Variants in MSRA observed in about 807,000 individuals in gnomAD.
The protein encoded by MSRA is mitochondrial peptide methionine sulfoxide reductase.
In MSRA, 54 loss-of-function variants were observed where a neutral mutation model predicts 31.3. The ratio of observed to expected loss-of-function variants is 1.73; its 90% confidence interval spans 1.39 to 2.17. MSRA has a LOEUF of 2.17. MSRA is among the 30% of genes most tolerant of loss of function. The pLI is 0.00. For synonymous variants in MSRA, 169 were observed against 116.5 expected (o/e 1.45, Z -2.90); for missense variants, 507 against 300.9 (o/e 1.69, Z -5.07).
intron 5 of MSRA, among the ~76,000 whole-genome samples, chr8:10,371,439 C>T (rs975181197): frequency 6.6e-6 from 1 of 152,114 alleles, no homozygotes; most frequent in African/African-American, 2.4e-5. Context: ...TGACAGAAGC[C>T]TTCTTTCTAG....
At chr8:10,253,018 G>C (rs1797997409) in intron 3 of MSRA, among the ~76,000 whole-genome samples, 1 of 152,182 alleles carries the variant, frequency 6.6e-6, no homozygotes, top group Non-Finnish European at 1.5e-5. Flanking sequence ...TTTTGCTAGA[G>C]GTATCCCAAG....
In MSRA at chr8:10,054,559, C is replaced by A. The variant is rs766757789; in HGVS notation, c.43C>A (p.His15Asn). 3.8e-6 allele frequency: 6 copies of A among 1,587,788 alleles called. No homozygotes were observed. The highest frequency in any genetic ancestry group is 5.1e-6 in the Non-Finnish European group (6 of 1,167,350). ...TRRACQLLLL[H>N]SLFPVPRMGN... ...GAGGGCTTGCCAGCTCCTCCTCCTC[C>A]ACAGCCTCTTTCCCGTCCCGAGGAT... The change falls in exon 1 of 6, where the codon CAC becomes AAC. Residue 15 changes from histidine (H) to asparagine (N), a missense_variant. Transcript: ENST00000317173.
At chr8:10,121,255 G>A (rs568025476) in intron 1 of MSRA, among the ~76,000 whole-genome samples, 6 of 152,258 alleles carry the variant, frequency 3.9e-5, no homozygotes, top group South Asian at 2.1e-4. Context: ...CCTGAGGACC[G>A]TGAAGACAGC....
intron 1 of MSRA, among the ~76,000 whole-genome samples, chr8:10,189,712 T>G (rs764238613): frequency 6.6e-6 from 1 of 152,196 alleles, no homozygotes; most frequent in Non-Finnish European, 1.5e-5. Context: ...ATTGTTATAC[T>G]TTTTATATAT....
At chr8:10,241,427 A>G (rs1036576682) in intron 2 of MSRA, among the ~76,000 whole-genome samples, 3 of 152,160 alleles carry the variant, frequency 2.0e-5, no homozygotes, top group African/African-American at 7.2e-5. Context: ...GTTTAAATGA[A>G]TATGTTTGTG....
intron 3 of MSRA, among the ~76,000 whole-genome samples, chr8:10,258,385 A>G (rs1327815099): frequency 6.6e-6 from 1 of 152,354 alleles, no homozygotes; most frequent in African/African-American, 2.4e-5. Context: ...ATTGGAAAGC[A>G]GGACCTGTTA....
At chr8:10,058,659 C>T (rs939822277) in intron 1 of MSRA, among the ~76,000 whole-genome samples, 1 of 152,164 alleles carries the variant, frequency 6.6e-6, no homozygotes, top group Admixed American at 6.5e-5. Flanking sequence ...AACCCAAAAG[C>T]CCATTTTAGG....
At chr8:10,187,390 A>T (rs1807145085) in intron 1 of MSRA, among the ~76,000 whole-genome samples, 1 of 152,166 alleles carries the variant, frequency 6.6e-6, no homozygotes, top group Non-Finnish European at 1.5e-5. Flanking sequence ...GAGGAACTTG[A>T]TTTACACCGG....
In MSRA at chr8:10,279,454, T is replaced by C. The variant is rs530507427; in HGVS notation, c.332-22080T>C. On this transcript the variant is annotated intron_variant, in intron 3 of 5. Coordinates refer to ENST00000317173, the MANE Select transcript of MSRA (RefSeq NM_012331.5). ...ACAACTCCCTTTGGCATCTCATCTT[T>C]GGGGCAGCGTTTTCTGATCCTACAA... Among the ~76,000 whole-genome samples the C allele has an allele frequency of 1.6e-3, 248 of 152,288 alleles. 1 individual carries two copies. The highest frequency in any genetic ancestry group is 5.4e-3 in the African/African-American group (226 of 41,554).
At chr8:10,187,799 T>A (rs1807180934) in intron 1 of MSRA, among the ~76,000 whole-genome samples, 1 of 152,232 alleles carries the variant, frequency 6.6e-6, no homozygotes, top group African/African-American at 2.4e-5. Context: ...GATATTTCTG[T>A]CTTCAGAGGT....
At chr8:10,182,789 A>G (rs1160095805) in intron 1 of MSRA, among the ~76,000 whole-genome samples, 1 of 152,146 alleles carries the variant, frequency 6.6e-6, no homozygotes, top group African/African-American at 2.4e-5. Flanking sequence ...AGCCTGCTTC[A>G]TCAAAGCACC....
In MSRA at chr8:10,364,732, C is replaced by T. The variant is rs768568883; in HGVS notation, c.543+44743C>T. ...TGAATTTGGGCACAGTTCATTCCCT[C>T]GGCAGATGGGCGTGCCAGATATCAC... is the stretch of plus-strand genomic sequence containing the variant. On this transcript the variant is annotated intron_variant, in intron 5 of 5. Coordinates refer to ENST00000317173, the MANE Select transcript of MSRA (RefSeq NM_012331.5). Among the ~76,000 whole-genome samples, 5 of 152,200 alleles carry T rather than the reference C, an allele frequency of 3.3e-5. No individual in the cohort carries two copies. In the East Asian group the frequency reaches 9.6e-4, roughly 29 times the overall value.
At chr8:10,411,568 G>A (rs2129188984) in intron 5 of MSRA, 1 of 152,216 alleles carries the variant, frequency 6.6e-6, no homozygotes, top group Middle Eastern at 3.4e-3. Flanking sequence ...ACATATTGCA[G>A]CCCAAGGGAG....
intron 1 of MSRA, among the ~76,000 whole-genome samples, chr8:10,068,538 G>A (rs1797573837): frequency 6.6e-6 from 1 of 152,174 alleles, no homozygotes; most frequent in African/African-American, 2.4e-5. Flanking sequence ...GTGTCCAGTT[G>A]GTCAAGCCCA....
intron 5 of MSRA, among the ~76,000 whole-genome samples, chr8:10,401,033 A>C (rs1429359975): frequency 6.6e-6 from 1 of 152,230 alleles, no homozygotes; most frequent in Non-Finnish European, 1.5e-5. Flanking sequence ...CACAGACAAC[A>C]CAAGAAAAAA....
At chr8:10,172,856 G>C (rs1028054560) in intron 1 of MSRA, among the ~76,000 whole-genome samples, 10 of 152,190 alleles carry the variant, frequency 6.6e-5, no homozygotes, top group Non-Finnish European at 5.9e-5. Flanking sequence ...GCCACGCATA[G>C]GTGCTGTGTT....
chr8:10,120,549 C>T (rs75022775), intron 1 of MSRA, among the ~76,000 whole-genome samples: 4 of 152,310 alleles, frequency 2.6e-5, no homozygotes, highest in Non-Finnish European at 4.4e-5. Flanking sequence ...CGTTACCTCA[C>T]GTCAATTCAG....
intron 2 of MSRA, among the ~76,000 whole-genome samples, chr8:10,235,408 C>G (rs1811859694): frequency 6.6e-6 from 1 of 151,926 alleles, no homozygotes. Context: ...TAGAACAAAC[C>G]TTAGAGGTTA....
intron 3 of MSRA, among the ~76,000 whole-genome samples, chr8:10,293,051 C>T (rs1484670536): frequency 2.6e-5 from 4 of 152,166 alleles, no homozygotes; most frequent in East Asian, 1.9e-4. Flanking sequence ...CTCCGTCCCT[C>T]GTGAGCTCTG....
Sources: gnomAD v4.1 joint callset for allele counts (sites outside exome capture counted in the v4.1 genomes callset) on GRCh38, gnomAD v4.1.1 for gene constraint, MANE v1.5 for transcripts, NCBI Gene and HGNC (gene_info 2026-07-23, HGNC 2026-07-21) for gene names.